Variants in RNF212 observed in about 807,000 individuals in gnomAD.
RNF212 encodes the protein ring finger protein 212.
Under a neutral mutation model 34.7 loss-of-function variants are expected in RNF212, and 33 were observed. The ratio of observed to expected loss-of-function variants is 0.95; its 90% confidence interval spans 0.72 to 1.27. The LOEUF (loss-of-function observed/expected upper bound fraction) is 1.27, where lower values mean the gene tolerates loss of function less well. Ranked by LOEUF, RNF212 falls within the 50% of genes most tolerant of loss-of-function variation. The probability of loss-of-function intolerance (pLI) is 0.00; values close to 1 mark genes in which losing one functional copy is unlikely to be tolerated. For synonymous variants in RNF212, 140 were observed against 136.1 expected (o/e 1.03, Z -0.20); for missense variants, 377 against 362.2 (o/e 1.04, Z -0.33).
intron 2 of RNF212, among the ~76,000 whole-genome samples, chr4:1,105,059 G>A (rs1363717155): frequency 6.6e-6 from 1 of 152,176 alleles, no homozygotes; most frequent in Non-Finnish European, 1.5e-5. Context: ...GTGAAGCGAG[G>A]CAGAAGTGCT....
chr4:1,062,172 G>T (rs886848944), intron 3 of RNF212, among the ~76,000 whole-genome samples: 1 of 152,122 alleles, frequency 6.6e-6, no homozygotes, highest in Non-Finnish European at 1.5e-5. Context: ...AGACAGAAAC[G>T]TTACAAGGAA....
intron 2 of RNF212, among the ~76,000 whole-genome samples, chr4:1,104,292 C>A (rs547277786): frequency 6.6e-6 from 1 of 152,236 alleles, no homozygotes; most frequent in African/African-American, 2.4e-5. Context: ...GTGTATCAGA[C>A]AACCCCCAAA....
At chr4:1,064,961 G>A (rs924579185) in intron 3 of RNF212, among the ~76,000 whole-genome samples, 10 of 152,168 alleles carry the variant, frequency 6.6e-5, no homozygotes, top group African/African-American at 2.2e-4. Flanking sequence ...ACGCGGTAGC[G>A]TGTGCCAGAG....
At chr4:1,105,296 C>G (rs570530888) in intron 2 of RNF212, among the ~76,000 whole-genome samples, 1 of 48,300 alleles carries the variant, frequency 2.1e-5, no homozygotes, top group East Asian at 0.12. Flanking sequence ...CCGCGCTCAC[C>G]GGAGTCTCCC....
intron 3 of RNF212, among the ~76,000 whole-genome samples, chr4:1,066,388 G>C (rs142237919): frequency 0.015 from 2,271 of 152,254 alleles, 58 homozygotes; most frequent in African/African-American, 0.052. Flanking sequence ...GAGTGCAGTG[G>C]CACAATCTCG....
At chr4:1,082,686 T>G (rs1428855413) in intron 5 of RNF212, among the ~76,000 whole-genome samples, 2 of 152,166 alleles carry the variant, frequency 1.3e-5, no homozygotes, top group African/African-American at 4.8e-5. Context: ...ACTTTCTGCC[T>G]CCTCTTCCCC....
chr4:1,082,665 C>T (rs1406554805), intron 5 of RNF212, among the ~76,000 whole-genome samples: 1 of 152,226 alleles, frequency 6.6e-6, no homozygotes, highest in African/African-American at 2.4e-5. Flanking sequence ...CCCGGCCCGA[C>T]ATACAAGTTC....
chr4:1,079,600 A>C (rs1402762808), intron 8 of RNF212, 43 bp downstream of exon 8: 1 of 1,351,804 alleles, frequency 7.4e-7, no homozygotes, highest in African/African-American at 1.4e-5. Context: ...GAAATGCCAC[A>C]CGTCTGGTAT....
At chr4:1,111,772 C>T (rs1046645031) in intron 1 of RNF212, among the ~76,000 whole-genome samples, 1 of 152,076 alleles carries the variant, frequency 6.6e-6, no homozygotes, top group African/African-American at 2.4e-5. Context: ...CTAAGATCAC[C>T]GAAGACAGGA....
chr4:1,107,533 C>G (rs1164882963), intron 2 of RNF212, among the ~76,000 whole-genome samples: 1 of 150,736 alleles, frequency 6.6e-6, no homozygotes, highest in Non-Finnish European at 1.5e-5. Flanking sequence ...TCACTGCAGG[C>G]TCCGCCTCCC....
intron 5 of RNF212, among the ~76,000 whole-genome samples, chr4:1,082,964 A>T (rs888961070): frequency 1.3e-5 from 2 of 152,166 alleles, no homozygotes; most frequent in African/African-American, 4.8e-5. Context: ...AACAATGACA[A>T]CAAAAGTGGG....
intron 1 of RNF212, among the ~76,000 whole-genome samples, chr4:1,111,572 C>CT (rs1262428170): frequency 2.6e-5 from 4 of 152,228 alleles, no homozygotes; most frequent in Non-Finnish European, 4.4e-5. Context: ...TCTGCTGAAT[C>CT]TACCTAACTT....
intron 2 of RNF212, chr4:1,100,244 A>G (rs985261499): frequency 1.4e-5 from 4 of 276,178 alleles, no homozygotes; most frequent in Non-Finnish European, 2.8e-5. Context: ...TTCCTGTCAA[A>G]CATTCTGAAA....
intron 5 of RNF212, 181 bp from the exon 6 acceptor site, chr4:1,081,800 C>T (rs1361183389): frequency 3.9e-5 from 23 of 587,620 alleles, no homozygotes; most frequent in Non-Finnish European, 6.1e-5. Context: ...GGCCCTGCTC[C>T]TCCCTAGCGC....
intron 3 of RNF212, among the ~76,000 whole-genome samples, chr4:1,062,823 A>AC (rs1218778509): frequency 6.6e-6 from 1 of 152,252 alleles, no homozygotes; most frequent in African/African-American, 2.4e-5. Context: ...TAGAGAATCC[A>AC]CAAAAAAAAT....
At chr4:1,075,949 A>G (rs1207847063) in intron 8 of RNF212, among the ~76,000 whole-genome samples, 1 of 152,220 alleles carries the variant, frequency 6.6e-6, no homozygotes, top group Non-Finnish European at 1.5e-5. Flanking sequence ...GGCGTGAGGT[A>G]CTGTGTCTGG....
downstream of RNF212, among the ~76,000 whole-genome samples, chr4:1,070,042 A>AGGGCTGTGCTGTCAGCGT (rs1294713343): frequency 4.0e-5 from 6 of 148,248 alleles, no homozygotes; most frequent in African/African-American, 1.0e-4. Flanking sequence ...GTGGTTTCGT[A>AGGGCTGTGCTGTCAGCGT]GGACTATGCT....
downstream of RNF212, among the ~76,000 whole-genome samples, chr4:1,066,522 G>C (rs550725336): frequency 6.6e-6 from 1 of 152,070 alleles, no homozygotes; most frequent in South Asian, 2.1e-4. Flanking sequence ...TAGAGATGGG[G>C]GTTTCACCAT....
At chr4:1,098,118 C>T (rs1723348462) in intron 2 of RNF212, among the ~76,000 whole-genome samples, 1 of 152,064 alleles carries the variant, frequency 6.6e-6, no homozygotes, top group South Asian at 2.1e-4. Flanking sequence ...GGGACAAACA[C>T]CAGAATGACA....
Sources: gnomAD v4.1 joint callset for allele counts (sites outside exome capture counted in the v4.1 genomes callset) on GRCh38, gnomAD v4.1.1 for gene constraint, MANE v1.5 for transcripts, NCBI Gene and HGNC (gene_info 2026-07-23, HGNC 2026-07-21) for gene names.